SHROOM2: variants seen among roughly 807,000 people sequenced by gnomAD.
The protein encoded by SHROOM2 is protein Shroom2.
In SHROOM2, 33 loss-of-function variants were observed where a neutral mutation model predicts 75.9. The ratio of observed to expected loss-of-function variants is 0.43; its 90% CI spans 0.33 to 0.58. The LOEUF (loss-of-function observed/expected upper bound fraction) is 0.58. Ranked by LOEUF, SHROOM2 falls within the 20% of genes least tolerant of loss-of-function variation. The pLI is 0.04. For synonymous variants in SHROOM2, 655 were observed against 663.6 expected (o/e 0.99, Z 0.20); for missense variants, 1,434 against 1,461.2 (o/e 0.98, Z 0.30).
intron 1 of SHROOM2, among the ~76,000 whole-genome samples, chrX:9,834,178 G>C (rs1319436344): frequency 8.9e-6 from 1 of 112,111 alleles, no homozygotes; most frequent in Non-Finnish European, 1.9e-5. Context: ...TCTCAGTGTG[G>C]TGGTGGTGCT....
At chrX:9,809,414 T>C (rs1026549915) in intron 1 of SHROOM2, among the ~76,000 whole-genome samples, 4 of 111,541 alleles carry the variant, frequency 3.6e-5, no homozygotes, top group Admixed American at 1.9e-4. Flanking sequence ...TGTTAATCTC[T>C]TTTGGCAACA....
intron 5 of SHROOM2, among the ~76,000 whole-genome samples, chrX:9,916,214 G>C (rs1384819497): frequency 8.9e-6 from 1 of 112,334 alleles, no homozygotes; most frequent in Non-Finnish European, 1.9e-5. Flanking sequence ...AGTCTCCGCT[G>C]TGGAACATGG....
intron 1 of SHROOM2, among the ~76,000 whole-genome samples, chrX:9,872,330 C>T (rs2084175255): frequency 8.9e-6 from 1 of 112,949 alleles, no homozygotes; most frequent in South Asian, 3.6e-4. Flanking sequence ...TCTGGGAGGC[C>T]GAGGCGGGTG....
chrX:9,868,452 G>C (rs1239314896), intron 1 of SHROOM2, among the ~76,000 whole-genome samples: 2 of 109,237 alleles, frequency 1.8e-5, no homozygotes, highest in African/African-American at 6.7e-5. Flanking sequence ...CACCATCTTG[G>C]GCAGGTTGGT....
intron 1 of SHROOM2, among the ~76,000 whole-genome samples, chrX:9,868,774 TTTG>T (rs1292916754): frequency 1.0e-5 from 1 of 97,781 alleles, no homozygotes; most frequent in Non-Finnish European, 2.0e-5. Flanking sequence ...CAGGATTTCT[TTTG>T]TTATATTACC....
In SHROOM2 at chrX:9,944,893, G is replaced by A. The variant is rs780066660; in HGVS notation, c.4564G>A (p.Gly1522Ser). ...GAATGCCCTCAATAATTTGGACGAC[G>A]GCGCTTCTCCCGGTGATCGGGTAAA... is the stretch of plus-strand genomic sequence containing the variant. ...VENALNNLDD[G>S]ASPGDRQSLL... Residue 1522 changes from glycine (G) to serine (S), a missense_variant, in exon 9 of 10, where the codon GGC becomes AGC. By Grantham distance (56) the Gly-to-Ser change is moderately conservative. This residue lies in a region of SHROOM2 where 80 missense variants were observed against 88.4 expected (regional missense o/e 0.90). Transcript: ENST00000380913. 25 of 1,203,766 alleles carry A rather than the reference G, an allele frequency of 2.1e-5. No homozygotes were observed. The highest frequency in any genetic ancestry group is 1.8e-5 in the African/African-American group (1 of 57,062).
chrX:9,842,299 A>T (rs190396403), intron 1 of SHROOM2, among the ~76,000 whole-genome samples: 6 of 112,667 alleles, frequency 5.3e-5, no homozygotes, highest in South Asian at 7.3e-4. Context: ...AATTTTATTT[A>T]AAAAAATAGA....
intron 1 of SHROOM2, among the ~76,000 whole-genome samples, chrX:9,869,512 T>C (rs1601956327): frequency 8.9e-6 from 1 of 111,827 alleles, no homozygotes; most frequent in African/African-American, 3.2e-5. Context: ...CATTCCACTT[T>C]CTCTGTCTAT....
intron 1 of SHROOM2, among the ~76,000 whole-genome samples, chrX:9,823,051 C>G (rs1450324171): frequency 1.1e-5 from 1 of 88,810 alleles, no homozygotes; most frequent in African/African-American, 4.2e-5. Flanking sequence ...CCTCCTCCTC[C>G]TCCTCCTCCT....
chrX:9,929,105 G>C (rs2084622894), intron 5 of SHROOM2, among the ~76,000 whole-genome samples: 1 of 112,878 alleles, frequency 8.9e-6, no homozygotes, highest in Non-Finnish European at 1.9e-5. Flanking sequence ...ACAACCTGCA[G>C]AGCTGCCTCT....
chrX:9,877,083 C>T (rs1273592763), intron 2 of SHROOM2, among the ~76,000 whole-genome samples: 2 of 111,813 alleles, frequency 1.8e-5, no homozygotes, highest in Non-Finnish European at 3.8e-5. Flanking sequence ...GACCAGGGGA[C>T]CAGGCAGCCA....
Position 9,937,346 on chromosome X carries a change from G to A in SHROOM2, c.3800G>A (p.Gly1267Asp), listed in dbSNP as rs1425171184. Residue 1267 changes from glycine (G) to aspartate (D), a missense_variant, in exon 7 of 10, where the codon GGT (glycine) becomes GAT (aspartate). Physicochemically the swap from Gly to Asp is moderately conservative, Grantham distance 94. Transcript: ENST00000380913. ...YSRFCLYTRQ[G>D]AEPEAPHRAQ... Reference sequence around the variant, plus strand: ...CGCTTCTGTCTGTACACGCGGCAGGGTGCTGAGCCCGAGGCCCCACATAGG... The same window carrying A: ...CGCTTCTGTCTGTACACGCGGCAGGATGCTGAGCCCGAGGCCCCACATAGG... 1 of 1,205,187 alleles carries A rather than the reference G, an allele frequency of 8.3e-7. No homozygotes were observed. Among genetic ancestry groups the A allele is most frequent in the Admixed American group, 2.2e-5 (1 of 45,241 alleles).
At chrX:9,823,710 C>T (rs1368175649) in intron 1 of SHROOM2, among the ~76,000 whole-genome samples, 4 of 108,682 alleles carry the variant, frequency 3.7e-5, no homozygotes, top group African/African-American at 1.3e-4. Flanking sequence ...GAATTATGCT[C>T]CAGATTTACA....
chrX:9,803,025 C>A (rs1185396184), intron 1 of SHROOM2, among the ~76,000 whole-genome samples: 1 of 108,298 alleles, frequency 9.2e-6, no homozygotes, highest in African/African-American at 3.4e-5. Flanking sequence ...ACCTCCTGGG[C>A]TCAAGCAATC....
intron 1 of SHROOM2, among the ~76,000 whole-genome samples, chrX:9,853,192 G>A (rs990020794): frequency 9.9e-5 from 11 of 111,618 alleles, no homozygotes; most frequent in African/African-American, 3.3e-4. Flanking sequence ...GGGTACCCCA[G>A]ATCCACCTGC....
rs1943138242 is a variant in SHROOM2, at chrX:9,896,775, G to A, written c.2790+77G>A. On this transcript the variant is annotated intron_variant, in intron 4 of 9. Transcript: ENST00000380913. ...ACACACCCAGAATGCAGTGGCTGAC[G>A]CCAGGGCTACTCAGCTCCAGCTGTG... 6.9e-6 allele frequency: 7 copies of A among 1,013,519 alleles called. No individual in the cohort carries two copies. The South Asian group carries it at 7.5e-5, about 11-fold the overall frequency. The allele number at this position is 1,013,519 out of a possible 1,213,427, so 83.5% of individuals were successfully genotyped here.
intron 1 of SHROOM2, among the ~76,000 whole-genome samples, chrX:9,791,307 GGGCTGGTTTTTCTCTTTGGAAAGCATTTT>G (rs1484256680): frequency 1.8e-5 from 2 of 111,168 alleles, no homozygotes; most frequent in Non-Finnish European, 3.8e-5. Context: ...CACTTGGGAA[GGGCTGGTTTTTCTCTTTGGAAAGCATTTT>G]GGAGTTGTTT....
chrX:9,871,442 C>A (rs1383427540), intron 1 of SHROOM2, among the ~76,000 whole-genome samples: 1 of 111,434 alleles, frequency 9.0e-6, no homozygotes, highest in Admixed American at 9.6e-5. Context: ...CCTTGGTCTC[C>A]CTCTTGGGGC....
At chrX:9,875,601 A>G (rs1448201044) in intron 2 of SHROOM2, among the ~76,000 whole-genome samples, 1 of 112,105 alleles carries the variant, frequency 8.9e-6, no homozygotes, top group Non-Finnish European at 1.9e-5. Flanking sequence ...TAGCTGGCCA[A>G]CTTTGTATCA....
Sources: gnomAD v4.1 joint callset for allele counts (sites outside exome capture counted in the v4.1 genomes callset) on GRCh38, gnomAD v4.1.1 for gene constraint, gnomAD v4.1.1 regional missense constraint, MANE v1.5 for transcripts, NCBI Gene and HGNC (gene_info 2026-07-23, HGNC 2026-07-21) for gene names.